KCNK2: variants seen among roughly 807,000 people sequenced by gnomAD.
The protein encoded by KCNK2 is potassium two pore domain channel subfamily K member 2, also known as potassium channel subfamily K member 2.
A neutral mutation model predicts 40.5 loss-of-function variants in KCNK2; 21 were observed. The observed-to-expected ratio is 0.52, with a 90% CI of 0.37 to 0.75. The LOEUF (loss-of-function observed/expected upper bound fraction) is 0.75. Among genes scored for constraint, KCNK2 ranks in the 30% least tolerant of loss-of-function variants. The pLI is 0.00. For synonymous variants in KCNK2, 191 were observed against 202.2 expected, an observed-to-expected ratio of 0.94 and a Z score of 0.47; for missense variants, 399 against 531.6, an observed-to-expected ratio of 0.75 and a Z score of 2.45.
At chr1:215,009,815 G>A (rs1191811596) in intron 1 of KCNK2, among the ~76,000 whole-genome samples, 1 of 152,102 alleles carries the variant, frequency 6.6e-6, no homozygotes, top group Non-Finnish European at 1.5e-5. Flanking sequence ...AAACCTGAGT[G>A]TCTGGAATTC....
intron 3 of KCNK2, among the ~76,000 whole-genome samples, chr1:215,129,319 C>T (rs1464195384): frequency 6.6e-6 from 1 of 152,064 alleles, no homozygotes; most frequent in Non-Finnish European, 1.5e-5. Flanking sequence ...CCCCCTACCC[C>T]CATTTTTTGT....
rs550632664 is a variant in KCNK2 at position 215,142,269 on chromosome 1, G to C, written c.475+17519G>C. Among the ~76,000 whole-genome samples the C allele has an allele frequency of 2.0e-5, 3 of 151,968 alleles. No homozygotes were observed. In the East Asian group the frequency reaches 5.8e-4, roughly 29 times the overall value. ...GTTGTGATTTCCAAACATATTCTGG[G>C]TCCTGCAGTATACTATTTTTGGAGA... On this transcript the variant is annotated intron_variant, in intron 3 of 6. Coordinates refer to ENST00000444842, the MANE Select transcript of KCNK2 (RefSeq NM_001017425.3).
Position 215,048,912 on chromosome 1 carries a change from C to T in KCNK2, c.35-37456C>T, listed in dbSNP as rs182964146. The stretch of plus-strand genomic sequence containing the variant: ...AACTGTTTAACCATTCATCCATCAA[C>T]GGCATCTGGGGCACTTCCAGTATTT... On this transcript the variant is annotated intron_variant, in intron 1 of 6. Coordinates refer to the KCNK2 transcript ENST00000391895. Among the ~76,000 whole-genome samples, 301 of 152,294 alleles carry T rather than the reference C, an allele frequency of 2.0e-3. 7 individuals are homozygous for T. The highest frequency in any genetic ancestry group is 0.017 in the Admixed American group (263 of 15,298).
At position 215,006,997 on chromosome 1, in the gene KCNK2, CTATATATATATATATATA is replaced by C. The variant is rs199497700; in HGVS notation, c.34+1066_34+1083del. On this transcript the variant is annotated intron_variant, in intron 1 of 6. Coordinates refer to the KCNK2 transcript ENST00000391895. ...ATCACTAAGTTTGGGGACCAATTCA[CTATATATATATATATATA>C]TATATATATATATATATATATATGT... Among the ~76,000 whole-genome samples the C allele has an allele frequency of 3.2e-4, 26 of 81,706 alleles. 2 individuals carry two copies. The highest frequency in any genetic ancestry group is 1.4e-3 in the African/African-American group (22 of 15,366). The allele number at this position is 81,706 out of a possible 152,430, so 53.6% of individuals were successfully genotyped here. A position where few individuals can be genotyped will look rare whatever the true frequency, so the allele number is the denominator to read the frequency against.
chr1:215,216,951 G>C (rs548806895), intron 6 of KCNK2, among the ~76,000 whole-genome samples: 1 of 152,152 alleles, frequency 6.6e-6, no homozygotes, highest in Non-Finnish European at 1.5e-5. Context: ...CTGTGCTAAT[G>C]ATATAGATTG....
At chr1:215,063,898 A>G (rs1658446641) in intron 1 of KCNK2, among the ~76,000 whole-genome samples, 1 of 152,186 alleles carries the variant, frequency 6.6e-6, no homozygotes, top group Non-Finnish European at 1.5e-5. Context: ...GGAAACCAAA[A>G]TTAACAGCTG....
At chr1:215,220,303 A>G (rs1666118896) in intron 6 of KCNK2, among the ~76,000 whole-genome samples, 1 of 152,066 alleles carries the variant, frequency 6.6e-6, no homozygotes, top group South Asian at 2.1e-4. Context: ...TATTCTCAAT[A>G]TGTTATTTGA....
chr1:215,123,465 T>C (rs779588956), intron 2 of KCNK2, among the ~76,000 whole-genome samples: 8 of 152,100 alleles, frequency 5.3e-5, no homozygotes, highest in Non-Finnish European at 1.2e-4. Flanking sequence ...TGTAATTTAA[T>C]TTACACAGAA....
At chr1:215,022,798 A>G (rs901525674) in intron 1 of KCNK2, among the ~76,000 whole-genome samples, 2 of 152,024 alleles carry the variant, frequency 1.3e-5, no homozygotes, top group African/African-American at 2.4e-5. Flanking sequence ...GCTAATCTTT[A>G]TCTTGTCTAA....
intron 6 of KCNK2, among the ~76,000 whole-genome samples, chr1:215,230,533 G>A (rs11120526): frequency 0.52 from 31,875 of 60,840 alleles, 6,301 homozygotes; most frequent in Non-Finnish European, 0.56. Context: ...ATATATATAT[G>A]TATATATATA....
At chr1:215,045,990 C>A (rs1411693320) in intron 1 of KCNK2, among the ~76,000 whole-genome samples, 3 of 152,170 alleles carry the variant, frequency 2.0e-5, no homozygotes, top group Non-Finnish European at 4.4e-5. Context: ...ACATGGAATT[C>A]TACAGCTTTC....
chr1:215,204,181 G>T (rs1443518176), intron 6 of KCNK2, among the ~76,000 whole-genome samples: 1 of 145,080 alleles, frequency 6.9e-6, no homozygotes, highest in African/African-American at 2.6e-5. Context: ...GGTAGACCCT[G>T]TCTGGATTCT....
intron 1 of KCNK2, among the ~76,000 whole-genome samples, chr1:215,043,608 A>G (rs1657641539): frequency 6.6e-6 from 1 of 152,202 alleles, no homozygotes; most frequent in Non-Finnish European, 1.5e-5. Flanking sequence ...ATAGAGACAG[A>G]AAGTAGAATG....
At chr1:215,213,026 G>A (rs1428852921) in intron 6 of KCNK2, among the ~76,000 whole-genome samples, 2 of 152,198 alleles carry the variant, frequency 1.3e-5, no homozygotes, top group East Asian at 1.9e-4. Flanking sequence ...CTCACAGTTC[G>A]AGAGGGAAAA....
intron 6 of KCNK2, among the ~76,000 whole-genome samples, chr1:215,202,599 C>T (rs1471302436): frequency 6.6e-6 from 1 of 152,088 alleles, no homozygotes; most frequent in Non-Finnish European, 1.5e-5. Flanking sequence ...AACCTTTGTG[C>T]TTCTAACTTC....
chr1:215,217,915 A>C (rs886789790), intron 6 of KCNK2, among the ~76,000 whole-genome samples: 2 of 152,214 alleles, frequency 1.3e-5, no homozygotes, highest in African/African-American at 2.4e-5. Flanking sequence ...AGAAAGATGA[A>C]TAGGACACAA....
intron 1 of KCNK2, among the ~76,000 whole-genome samples, chr1:215,046,198 G>A (rs12061587): frequency 0.025 from 3,866 of 152,218 alleles, 102 homozygotes; most frequent in South Asian, 0.1. Flanking sequence ...TCTGTTACCA[G>A]ATGGTTTTGA....
chr1:215,098,969 T>A (rs1281412407), intron 2 of KCNK2, among the ~76,000 whole-genome samples: 1 of 151,898 alleles, frequency 6.6e-6, no homozygotes, highest in Non-Finnish European at 1.5e-5. Context: ...GAAGACTAGG[T>A]GTTCTGTTTT....
intron 3 of KCNK2, among the ~76,000 whole-genome samples, chr1:215,150,682 G>A (rs1662647979): frequency 6.6e-6 from 1 of 151,838 alleles, no homozygotes; most frequent in Non-Finnish European, 1.5e-5. Flanking sequence ...ATATTATAAT[G>A]ATGTTGTTTT....
Sources: allele counts gnomAD v4.1 joint callset (sites outside exome capture counted in the v4.1 genomes callset), GRCh38; gene constraint gnomAD v4.1.1; transcripts MANE v1.5; gene names NCBI Gene and HGNC (gene_info 2026-07-23, HGNC 2026-07-21).